The following ADAMTS4 variants were observed in gnomAD, a reference collection of about 807,000 sequenced individuals.
The protein encoded by ADAMTS4 is A disintegrin and metalloproteinase with thrombospondin motifs 4.
A neutral mutation model predicts 66.7 loss-of-function variants in ADAMTS4; 38 were observed. That is an observed-to-expected ratio of 0.57 (90% CI 0.44 to 0.75). The LOEUF (loss-of-function observed/expected upper bound fraction) is 0.75. ADAMTS4 is among the 30% of genes least tolerant of loss of function. ADAMTS4 has a pLI of 0.00. For missense variants in ADAMTS4, 1,014 were observed against 1,116.7 expected (o/e 0.91, Z 1.31); for synonymous variants, 418 against 461.5 (o/e 0.91, Z 1.21).
At chr1:161,195,922 TACAC>T in intron 3 of ADAMTS4, 1 of 520,374 alleles carries the variant, frequency 1.9e-6, no homozygotes, top group Non-Finnish European at 3.2e-6. Context: ...CCCCTCCAAA[TACAC>T]ACACACAGAC....
In ADAMTS4 at chr1:161,192,251, G is replaced by A; in HGVS notation, c.1912-11C>T. The A allele has an allele frequency of 6.2e-7, 1 of 1,612,108 alleles. No homozygotes were observed. Among genetic ancestry groups the A allele is most frequent in the Non-Finnish European group, 8.5e-7 (1 of 1,178,588 alleles). The stretch of plus-strand genomic sequence containing the variant: ...GGTCCCATCTACCACCTGAGGAAAA[G>A]AGAAAGAACAATGCTGAAGGTTCCT... On this transcript the variant is annotated splice_polypyrimidine_tract_variant and intron_variant, in intron 7 of 8. Transcript: ENST00000367996.
At position 161,184,511 on chromosome 1, in the gene ADAMTS4, T is replaced by C. The variant is rs1373504600; in HGVS notation, c.*6627A>G. The C allele has an allele frequency of 6.6e-6, 1 of 152,240 alleles. No homozygotes were observed. The highest frequency in any genetic ancestry group is 1.9e-4 in the East Asian group (1 of 5,198). 9.4% of individuals were successfully genotyped at this position (152,240 alleles called of 1,614,324 possible). ...AGTAAGTAGCAAGGCTTAGATTCAA[T>C]TTGACTCCAAAAATCCATGTCCTTT... On this transcript the variant is annotated 3_prime_UTR_variant, in exon 9 of 9. Coordinates refer to ENST00000367996, the MANE Select transcript of ADAMTS4 (RefSeq NM_005099.6).
rs570483418 is a variant in ADAMTS4 at position 161,193,005 on chromosome 1, G to T, written c.1911+208C>A. 1.1e-4 allele frequency among the ~76,000 whole-genome samples: 16 copies of T among 152,350 alleles called. No individual in the cohort carries two copies. Among genetic ancestry groups the T allele is most frequent in the African/African-American group, 3.4e-4 (14 of 41,574 alleles). On this transcript the variant is annotated intron_variant, in intron 7 of 8. Transcript: ENST00000367996. The surrounding 1 kb of genome is among the most constrained non-coding windows in gnomAD (Gnocchi z 4.4). ...AAAGAAACCACGGGAAATAGGATAG[G>T]CTAGAGGGACCTATTGGCCACATAT...
rs1454336265 is a variant in ADAMTS4 at position 161,193,546 on chromosome 1, G to A, written c.1735+94C>T. ...GTTAAAGGCACTCCCCACAGCAGCA[G>A]GGGAATCAACACCCCCTTGGTCTTG... On this transcript the variant is annotated intron_variant, in intron 6 of 8. Transcript: ENST00000367996. The surrounding 1 kb of genome is among the most constrained non-coding windows in gnomAD (Gnocchi z 4.4). 3.3e-6 allele frequency: 5 copies of A among 1,523,556 alleles called. No individual in the cohort carries two copies. Among genetic ancestry groups the A allele is most frequent in the Non-Finnish European group, 4.4e-6 (5 of 1,128,550 alleles). The allele number at this position is 1,523,556 out of a possible 1,614,324, so 94.4% of individuals were successfully genotyped here.
rs1432585270 is a variant in ADAMTS4 at position 161,194,622 on chromosome 1, CA to C, written c.1262-402del. On this transcript the variant is annotated intron_variant, in intron 4 of 8. Coordinates refer to ENST00000367996, the MANE Select transcript of ADAMTS4 (RefSeq NM_005099.6). This position sits in a 1 kb window ranked among gnomAD's most constrained non-coding sequence, Gnocchi z 4.1. ...CAGGCTAATCTCAAACTCCTGGTCTCAAGCAATCCTCCCACCTTAGCCTCCC... is the reference window on the plus strand; with the variant it reads ...CAGGCTAATCTCAAACTCCTGGTCTCAGCAATCCTCCCACCTTAGCCTCCC... Among the ~76,000 whole-genome samples the C allele has an allele frequency of 2.6e-5, 4 of 152,170 alleles. No homozygotes were observed. Among genetic ancestry groups the C allele is most frequent in the Non-Finnish European group, 5.9e-5 (4 of 68,034 alleles).
chr1:161,195,778 C>T (rs1269975239), intron 3 of ADAMTS4, 143 bp from the exon 4 acceptor site: 2 of 750,406 alleles, frequency 2.7e-6, no homozygotes, highest in Non-Finnish European at 4.1e-6. Flanking sequence ...TTATGGTACT[C>T]TCAGGGCTCC....
At position 161,191,256 on chromosome 1, in the gene ADAMTS4, C is replaced by T. The variant is rs760634103; in HGVS notation, c.2396G>A (p.Ser799Asn). Reference sequence around the variant, plus strand: ...AGGGGTCGGCCGGGGCACGAAGAAGCTGTATCGGAGGCGTGTGTCCTGGGG... The same window carrying T: ...AGGGGTCGGCCGGGGCACGAAGAAGTTGTATCGGAGGCGTGTGTCCTGGGG... ...GNPQDTRLRY[S>N]FFVPRPTPST... is the part of the protein sequence containing the mutation. Residue 799 changes from serine to asparagine, a missense_variant, in exon 9 of 9, where the codon AGC becomes AAC. By Grantham distance (46) the Ser-to-Asn change is conservative (BLOSUM62 1). Coordinates refer to ENST00000367996, the MANE Select transcript of ADAMTS4 (RefSeq NM_005099.6). 2.5e-6 allele frequency: 4 copies of T among 1,613,660 alleles called. No individual in the cohort carries two copies. The Admixed American group carries it at 6.7e-5, about 27-fold the overall frequency.
At position 161,191,156 on chromosome 1, in the gene ADAMTS4, G is replaced by C; in HGVS notation, c.2496C>G (p.Pro832=). ...AQILEILRRR[P]WAGRK is the part of the protein sequence containing the mutation. ...AGTGAGGTTATTTCCTGCCCGCCCAGGGGCGCCGCCGAAGGATCTCCAGAA... is the reference window on the plus strand; with the variant it reads ...AGTGAGGTTATTTCCTGCCCGCCCACGGGCGCCGCCGAAGGATCTCCAGAA... Residue 832 remains proline (P), a synonymous_variant, in exon 9 of 9, where the codon CCC becomes CCG. Transcript: ENST00000367996. The C allele has an allele frequency of 9.6e-6, 15 of 1,560,098 alleles. No homozygotes were observed. Among genetic ancestry groups the C allele is most frequent in the Non-Finnish European group, 1.2e-5 (14 of 1,147,750 alleles).
intron 3 of ADAMTS4, chr1:161,195,944 C>G: frequency 3.6e-6 from 2 of 557,586 alleles, no homozygotes; most frequent in Non-Finnish European, 6.1e-6. Flanking sequence ...GACACACACA[C>G]ACACACACAC....
intron 3 of ADAMTS4, 139 bp from the exon 4 acceptor site, chr1:161,195,774 T>G: frequency 1.3e-6 from 1 of 782,840 alleles, no homozygotes; most frequent in Non-Finnish European, 2.0e-6. Flanking sequence ...TCCTTTATGG[T>G]ACTCTCAGGG....
intron 3 of ADAMTS4, chr1:161,195,879 C>A: frequency 1.8e-6 from 1 of 561,644 alleles, no homozygotes; most frequent in East Asian, 3.1e-5. Flanking sequence ...AGCCAACATT[C>A]CCAACTGTGA....
At position 161,193,791 on chromosome 1, in the gene ADAMTS4, T is replaced by C. The variant is rs956050014; in HGVS notation, c.1584A>G (p.Pro528=). The change falls in exon 6 of 9, where the codon CCA becomes CCG. Residue 528 remains proline, a synonymous_variant. Transcript: ENST00000367996. This position sits in a 1 kb window ranked among gnomAD's most constrained non-coding sequence, Gnocchi z 4.4. The part of the protein sequence containing the change: ...PQAGGWGPWG[P]WGDCSRTCGG... Reference sequence around the variant, plus strand: ...CACAGGTCCGAGAGCAGTCACCCCATGGTCCCCAAGGACCCCAGCCACCAG... The same window carrying C: ...CACAGGTCCGAGAGCAGTCACCCCACGGTCCCCAAGGACCCCAGCCACCAG... 8 of 1,612,028 alleles carry C rather than the reference T, an allele frequency of 5.0e-6. No homozygotes were observed. The highest frequency in any genetic ancestry group is 8.5e-7 in the Non-Finnish European group (1 of 1,178,952).
At chr1:161,197,356 T>G in intron 1 of ADAMTS4, 1 of 162,480 alleles carries the variant, frequency 6.2e-6, no homozygotes. Flanking sequence ...TGGTCTGGAT[T>G]AAAGCTAGAG....
In ADAMTS4 at chr1:161,185,319, C is replaced by A. The variant is rs2102006910; in HGVS notation, c.*5819G>T. The A allele has an allele frequency of 6.6e-6, 1 of 152,500 alleles. No individual in the cohort carries two copies. The highest frequency in any genetic ancestry group is 2.1e-4 in the South Asian group (1 of 4,828). The allele number at this position is 152,500 out of a possible 1,614,324, so 9.4% of individuals were successfully genotyped here. A position where few individuals can be genotyped will look rare whatever the true frequency, so the allele number is the denominator to read the frequency against. On this transcript the variant is annotated 3_prime_UTR_variant, in exon 9 of 9. Transcript: ENST00000367996. ...ATGGTGCCTGTTTGTTGTGCCAAGA[C>A]TGTGAGGGATACTTAATCTACTTCC...
Position 161,193,379 on chromosome 1 carries a change from A to T in ADAMTS4, c.1745T>A (p.Phe582Tyr). 1 of 1,613,552 alleles carries T rather than the reference A, an allele frequency of 6.2e-7. No homozygotes were observed. Among genetic ancestry groups the T allele is most frequent in the Non-Finnish European group, 8.5e-7 (1 of 1,179,798 alleles). Reference sequence around the variant, plus strand: ...GTAGGCAGCACACTGCTCCTCGCGGAAGGTCAGGGCTGGAGGGGTAAAACA... The same window carrying T: ...GTAGGCAGCACACTGCTCCTCGCGGTAGGTCAGGGCTGGAGGGGTAAAACA... The part of the protein sequence containing the change: ...EDCPTGSALT[F>Y]REEQCAAYNH... The change falls in exon 7 of 9, where the codon TTC (phenylalanine) becomes TAC (tyrosine). Residue 582 changes from phenylalanine (F) to tyrosine (Y), a missense_variant. Physicochemically the swap from Phe to Tyr is conservative, Grantham distance 22. Transcript: ENST00000367996. The surrounding 1 kb of genome is among the most constrained non-coding windows in gnomAD (Gnocchi z 4.4).
At position 161,198,663 on chromosome 1, in the gene ADAMTS4, T is replaced by A; in HGVS notation, c.-36A>T. 6.9e-7 allele frequency: 1 copy of A among 1,457,136 alleles called. No individual in the cohort carries two copies. Among genetic ancestry groups the A allele is most frequent in the Admixed American group, 2.6e-5 (1 of 38,826 alleles). The allele number at this position is 1,457,136 out of a possible 1,614,324, so 90.3% of individuals were successfully genotyped here. On this transcript the variant is annotated 5_prime_UTR_variant, in exon 1 of 9. Transcript: ENST00000367996. The surrounding 1 kb of genome is among the most constrained non-coding windows in gnomAD (Gnocchi z 4.7). The stretch of plus-strand genomic sequence containing the variant: ...CTGCAGCTGGGAGGGACTGAGGCCG[T>A]CTAGGGCACCAAGTCCTCCACACCC...
intron 3 of ADAMTS4, 32 bp downstream of exon 3, chr1:161,196,139 C>T: frequency 6.4e-7 from 1 of 1,564,270 alleles, no homozygotes; most frequent in Non-Finnish European, 8.7e-7. Context: ...CCTTCTCCTC[C>T]CTAATACCTT....
rs149404061 is a variant in ADAMTS4 at position 161,191,166 on chromosome 1, C to T, written c.2486G>A (p.Arg829Gln). 1.9e-3 allele frequency: 2,988 copies of T among 1,570,550 alleles called. 5 individuals carry two copies. The highest frequency in any genetic ancestry group is 2.3e-3 in the Non-Finnish European group (2,638 of 1,152,314). Reference protein sequence around the residue: ...HRRAQILEILRRRPWAGRK With the variant: ...HRRAQILEILQRRPWAGRK ...TTTCCTGCCCGCCCAGGGGCGCCGC[C>T]GAAGGATCTCCAGAATCTGTGCTCT... Residue 829 changes from arginine (R) to glutamine (Q), a missense_variant, in exon 9 of 9, where the codon CGG (arginine) becomes CAG (glutamine). Transcript: ENST00000367996.
Position 161,198,976 on chromosome 1 carries a change from C to A in ADAMTS4, c.-349G>T. ...CCTGCCCTGTCTCTGCCTTCTTCCGCTGTGCCTTTGTCTCTGTCTCTTTCC... is the reference window on the plus strand; with the variant it reads ...CCTGCCCTGTCTCTGCCTTCTTCCGATGTGCCTTTGTCTCTGTCTCTTTCC... On this transcript the variant is annotated 5_prime_UTR_variant, in exon 1 of 9. Transcript: ENST00000367996. This position sits in a 1 kb window ranked among gnomAD's most constrained non-coding sequence, Gnocchi z 4.7. The A allele has an allele frequency of 3.9e-6, 1 of 253,348 alleles. No individual in the cohort carries two copies. The highest frequency in any genetic ancestry group is 7.5e-6 in the Non-Finnish European group (1 of 132,716). 15.7% of individuals were successfully genotyped at this position (253,348 alleles called of 1,614,324 possible). A position where few individuals can be genotyped will look rare whatever the true frequency, so the allele number is the denominator to read the frequency against.
Sources: allele counts gnomAD v4.1 joint callset (sites outside exome capture counted in the v4.1 genomes callset), GRCh38; gene constraint gnomAD v4.1.1; non-coding constraint Gnocchi (gnomAD v3.1); transcripts MANE v1.5; gene names NCBI Gene and HGNC (gene_info 2026-07-23, HGNC 2026-07-21).